Variants in TTC27 observed in about 807,000 individuals in gnomAD.
TTC27 encodes the protein tetratricopeptide repeat domain 27.
Under a neutral mutation model 115.9 loss-of-function variants are expected in TTC27, and 79 were observed. The observed-to-expected ratio is 0.68, with a 90% CI of 0.57 to 0.82. TTC27 has a LOEUF of 0.82. Ranked by LOEUF, TTC27 falls within the 40% of genes least tolerant of loss-of-function variation. The pLI is 0.00. For synonymous variants in TTC27, 401 were observed against 356.0 expected, an observed-to-expected ratio of 1.13 and a Z score of -1.42; for missense variants, 1,054 against 993.1, an observed-to-expected ratio of 1.06 and a Z score of -0.82.
intron 9 of TTC27, among the ~76,000 whole-genome samples, chr2:32,683,492 T>C (rs1006429732): frequency 1.3e-5 from 2 of 152,210 alleles, no homozygotes. Context: ...TGCCAGTGTT[T>C]TCATTTTGGT....
At chr2:32,783,845 G>A (rs1471515670) in intron 15 of TTC27, among the ~76,000 whole-genome samples, 1 of 152,062 alleles carries the variant, frequency 6.6e-6, no homozygotes, top group African/African-American at 2.4e-5. Flanking sequence ...ATTAAAGGAT[G>A]GATATATTTT....
intron 4 of TTC27, 127 bp from the exon 5 acceptor site, chr2:32,650,004 A>C: frequency 1.4e-6 from 1 of 711,342 alleles, no homozygotes; most frequent in Non-Finnish European, 2.3e-6. Context: ...AGAGTAGTGG[A>C]TGGGTAATCT....
chr2:32,658,885 T>A (rs928857218), intron 5 of TTC27, among the ~76,000 whole-genome samples: 2 of 152,238 alleles, frequency 1.3e-5, no homozygotes, highest in Non-Finnish European at 2.9e-5. Flanking sequence ...TAAATTAGAA[T>A]CTGACTGCCA....
At chr2:32,709,083 A>G (rs1029731551) in intron 10 of TTC27, among the ~76,000 whole-genome samples, 2 of 152,228 alleles carry the variant, frequency 1.3e-5, no homozygotes, top group African/African-American at 2.4e-5. Context: ...AATATACATG[A>G]GTCCATATTG....
At chr2:32,682,707 C>T (rs1458945524) in intron 9 of TTC27, among the ~76,000 whole-genome samples, 4 of 137,194 alleles carry the variant, frequency 2.9e-5, no homozygotes, top group Non-Finnish European at 6.2e-5. Context: ...TTGCTCTTGT[C>T]GCCCAGGCTG....
intron 16 of TTC27, among the ~76,000 whole-genome samples, chr2:32,809,439 C>T (rs1002786021): frequency 2.0e-5 from 3 of 152,216 alleles, no homozygotes; most frequent in Non-Finnish European, 4.4e-5. Flanking sequence ...CCTTGCTTCT[C>T]GAAGTGTGCC....
intron 4 of TTC27, among the ~76,000 whole-genome samples, chr2:32,646,159 G>A (rs1487015544): frequency 6.6e-6 from 1 of 151,980 alleles, no homozygotes; most frequent in Non-Finnish European, 1.5e-5. Context: ...CTCCCGAGGA[G>A]CTGGGACTAC....
intron 16 of TTC27, among the ~76,000 whole-genome samples, chr2:32,792,797 G>A (rs1338388016): frequency 6.6e-6 from 1 of 152,232 alleles, no homozygotes; most frequent in African/African-American, 2.4e-5. Context: ...ACTTTGATGA[G>A]ACTAGCCCAA....
At chr2:32,730,618 C>CT (rs1558314445) in intron 10 of TTC27, among the ~76,000 whole-genome samples, 1 of 135,968 alleles carries the variant, frequency 7.4e-6, no homozygotes, top group African/African-American at 2.8e-5. Context: ...TCAAGACTTT[C>CT]TTATTTTTTT....
chr2:32,662,469 A>T (rs993703740), intron 5 of TTC27, among the ~76,000 whole-genome samples: 5 of 152,100 alleles, frequency 3.3e-5, no homozygotes, highest in African/African-American at 1.2e-4. Context: ...CTATTCAGGG[A>T]TTTGACTTCT....
At chr2:32,819,174 A>C (rs79351941) in intron 19 of TTC27, among the ~76,000 whole-genome samples, 2,339 of 152,300 alleles carry the variant, frequency 0.015, 71 homozygotes, top group African/African-American at 0.053. Flanking sequence ...TTTTTCTTAC[A>C]AATTACTACT....
chr2:32,653,616 A>G (rs941616374), intron 5 of TTC27, among the ~76,000 whole-genome samples: 1 of 151,978 alleles, frequency 6.6e-6, no homozygotes, highest in Non-Finnish European at 1.5e-5. Flanking sequence ...ACAAAAAAAA[A>G]ACAGTCTTTT....
At chr2:32,695,906 A>AAAAATAAAAT (rs111384969) in intron 9 of TTC27, among the ~76,000 whole-genome samples, 45 of 149,324 alleles carry the variant, frequency 3.0e-4, no homozygotes, top group Non-Finnish European at 4.4e-4. Flanking sequence ...CTCCATCTCA[A>AAAAATAAAAT]AAAATAAAAT....
chr2:32,731,039 T>A (rs1403692710), intron 10 of TTC27, among the ~76,000 whole-genome samples: 1 of 152,162 alleles, frequency 6.6e-6, no homozygotes, highest in Middle Eastern at 3.2e-3. Flanking sequence ...GGAGTGAAAA[T>A]AGGCTAGAGT....
In TTC27 at chr2:32,758,310, C is replaced by T. The variant is rs774369630; in HGVS notation, c.1471C>T (p.Gln491Ter). Residue 491 changes from glutamine (Q) to a stop codon, truncating the protein, a stop_gained, in exon 13 of 20, where the codon CAA (glutamine) becomes TAA (stop). Transcript: ENST00000317907. LOFTEE classifies it high-confidence loss of function. ...QHGKAEEILRQELEKKETPSL... is the reference protein window; with the variant it reads ...QHGKAEEILR ...TTTCTAGGCAGAAGAAATCCTTAGA[C>T]AAGAGCTGGAGAAAAAAGAAACGCC... 4.8e-5 allele frequency: 77 copies of T among 1,613,926 alleles called. No individual in the cohort carries two copies. The highest frequency in any genetic ancestry group is 6.1e-5 in the Non-Finnish European group (72 of 1,180,012).
intron 3 of TTC27, among the ~76,000 whole-genome samples, chr2:32,638,769 G>A (rs1353768020): frequency 3.3e-5 from 5 of 152,124 alleles, no homozygotes; most frequent in Non-Finnish European, 7.4e-5. Context: ...ATTGAGCCAG[G>A]GAGTGGCATT....
intron 7 of TTC27, among the ~76,000 whole-genome samples, chr2:32,668,536 T>TCCCTCCCTCCCTCCCTCCCTCCCTC (rs1665877235): frequency 2.2e-5 from 1 of 45,942 alleles, no homozygotes; most frequent in Non-Finnish European, 4.2e-5. Context: ...TTTCTTCCCT[T>TCCCTCCCTCCCTCCCTCCCTCCCTC]CCTCCCTCCC....
At chr2:32,675,955 C>T (rs950414508) in intron 8 of TTC27, among the ~76,000 whole-genome samples, 1 of 151,970 alleles carries the variant, frequency 6.6e-6, no homozygotes, top group African/African-American at 2.4e-5. Context: ...CCATGCTCAT[C>T]TAATTTTTGT....
chr2:32,652,502 A>G (rs1038414186), intron 5 of TTC27, among the ~76,000 whole-genome samples: 2 of 152,198 alleles, frequency 1.3e-5, no homozygotes, highest in African/African-American at 4.8e-5. Context: ...TAGCTGGAAA[A>G]TGTGACTCTA....
Sources: gnomAD v4.1 joint callset for allele counts (sites outside exome capture counted in the v4.1 genomes callset) on GRCh38, gnomAD v4.1.1 for gene constraint, MANE v1.5 for transcripts, NCBI Gene and HGNC (gene_info 2026-07-23, HGNC 2026-07-21) for gene names.